ZBTB7C: variants seen among roughly 807,000 people sequenced by gnomAD.
ZBTB7C encodes the protein zinc finger and BTB domain-containing protein 7C.
Under a neutral mutation model 25.7 loss-of-function variants are expected in ZBTB7C, and 8 were observed. The observed-to-expected ratio is 0.31, with a 90% CI of 0.18 to 0.56. ZBTB7C has a LOEUF of 0.56. Ranked by LOEUF, ZBTB7C falls within the 20% of genes least tolerant of loss-of-function variation. The pLI, the probability that ZBTB7C is intolerant of heterozygous loss-of-function variation, is 0.91. For synonymous variants in ZBTB7C, 394 were observed against 369.0 expected, an observed-to-expected ratio of 1.07 and a Z score of -0.78; for missense variants, 824 against 855.2, an observed-to-expected ratio of 0.96 and a Z score of 0.46.
At chr18:48,306,372 G>A (rs1337002601) in intron 2 of ZBTB7C, among the ~76,000 whole-genome samples, 1 of 152,156 alleles carries the variant, frequency 6.6e-6, no homozygotes, top group Non-Finnish European at 1.5e-5. Flanking sequence ...TGTGTCTGTG[G>A]TAAATATACA....
chr18:48,311,061 T>C (rs2045806793), intron 2 of ZBTB7C, among the ~76,000 whole-genome samples: 1 of 152,208 alleles, frequency 6.6e-6, no homozygotes. Flanking sequence ...TCCTGGCCCC[T>C]GCCAGTCAGT....
chr18:48,304,965 A>G (rs2045636417), intron 2 of ZBTB7C, among the ~76,000 whole-genome samples: 1 of 151,966 alleles, frequency 6.6e-6, no homozygotes, highest in Non-Finnish European at 1.5e-5. Flanking sequence ...CTGACTCTGC[A>G]GGGAGGGCTG....
chr18:48,310,179 G>A (rs7236485), intron 2 of ZBTB7C, among the ~76,000 whole-genome samples: 5,587 of 151,244 alleles, frequency 0.037, 214 homozygotes, highest in African/African-American at 0.093. Flanking sequence ...GCAGTGAGCC[G>A]AGATCACGCC....
chr18:48,128,041 A>G (rs1598930910), intron 3 of ZBTB7C, among the ~76,000 whole-genome samples: 1 of 152,090 alleles, frequency 6.6e-6, no homozygotes, highest in African/African-American at 2.4e-5. Flanking sequence ...TTGTTCTCCA[A>G]CCTTCCCTGG....
At chr18:48,237,425 G>A (rs1000092841) in intron 2 of ZBTB7C, among the ~76,000 whole-genome samples, 1 of 151,982 alleles carries the variant, frequency 6.6e-6, no homozygotes, top group East Asian at 1.9e-4. Context: ...GCATCCAAAG[G>A]GAAGGAACAG....
At chr18:48,182,366 C>G (rs1384685147) in intron 3 of ZBTB7C, among the ~76,000 whole-genome samples, 1 of 152,140 alleles carries the variant, frequency 6.6e-6, no homozygotes, top group Non-Finnish European at 1.5e-5. Context: ...ATAAAATAAG[C>G]TCAATTTGGA....
At chr18:48,284,808 A>C (rs1173408825) in intron 2 of ZBTB7C, among the ~76,000 whole-genome samples, 1 of 133,522 alleles carries the variant, frequency 7.5e-6, no homozygotes, top group Non-Finnish European at 1.7e-5. Flanking sequence ...AAAAAAAAAA[A>C]AAACAGAGAG....
At chr18:48,247,170 T>C (rs570252047) in intron 2 of ZBTB7C, among the ~76,000 whole-genome samples, 5 of 152,298 alleles carry the variant, frequency 3.3e-5, no homozygotes, top group African/African-American at 1.2e-4. Context: ...TTAAAAAGAA[T>C]TCCGGTTAAC....
intron 2 of ZBTB7C, among the ~76,000 whole-genome samples, chr18:48,331,899 G>C (rs1016549999): frequency 6.6e-6 from 1 of 151,956 alleles, no homozygotes; most frequent in African/African-American, 2.4e-5. Context: ...GACACAAAAT[G>C]TTTGTGTATG....
At position 48,389,189 on chromosome 18, in the gene ZBTB7C, ACTCTCTCT is replaced by A. The variant is rs757520664; in HGVS notation, c.-304+20029_-304+20036del. On this transcript the variant is annotated intron_variant, in intron 1 of 4. Coordinates refer to ENST00000590800, the MANE Select transcript of ZBTB7C (RefSeq NM_001318841.2). ...ATGGAGTGATGTTCAGAGCCCTTTA[ACTCTCTCT>A]CTCTCTCTCTCTCTCTCTCTCTCTC... Among the ~76,000 whole-genome samples, 425 of 64,096 alleles carry A rather than the reference ACTCTCTCT, an allele frequency of 6.6e-3. 3 individuals are homozygous for A. Among genetic ancestry groups the A allele is most frequent in the East Asian group, 0.012 (30 of 2,430 alleles). The allele number at this position is 64,096 out of a possible 152,430, so 42.0% of individuals were successfully genotyped here. A position where few individuals can be genotyped will look rare whatever the true frequency, so the allele number is the denominator to read the frequency against.
chr18:48,243,270 CA>C (rs57410285), intron 2 of ZBTB7C, among the ~76,000 whole-genome samples: 35,517 of 87,918 alleles, frequency 0.4, 5,457 homozygotes, highest in Non-Finnish European at 0.48. Context: ...TACCCCCCCA[CA>C]AAAAAAAAAA....
At chr18:48,058,353 C>A (rs2036997093) in intron 3 of ZBTB7C, among the ~76,000 whole-genome samples, 1 of 152,214 alleles carries the variant, frequency 6.6e-6, no homozygotes, top group African/African-American at 2.4e-5. Flanking sequence ...TGGGACCCTG[C>A]CATCTCAGTC....
rs568153977 is a variant in ZBTB7C, at chr18:48,382,086, T to G, written c.-304+27140A>C. Among the ~76,000 whole-genome samples the G allele has an allele frequency of 7.1e-4, 108 of 152,348 alleles. 2 individuals are homozygous for G. In the South Asian group the frequency reaches 0.016, roughly 22 times the overall value. ...TGATTAATACATACGTGCACTGTAGTGCAAGTGGTAGGTAGGTGCAATGAA... is the reference window on the plus strand; with the variant it reads ...TGATTAATACATACGTGCACTGTAGGGCAAGTGGTAGGTAGGTGCAATGAA... On this transcript the variant is annotated intron_variant, in intron 1 of 4. Coordinates refer to ENST00000590800, the MANE Select transcript of ZBTB7C (RefSeq NM_001318841.2).
chr18:48,063,173 CCT>C (rs1163579665), intron 3 of ZBTB7C, among the ~76,000 whole-genome samples: 2 of 152,244 alleles, frequency 1.3e-5, no homozygotes, highest in African/African-American at 2.4e-5. Context: ...CCAGAAACCC[CCT>C]CTGTCTCAGG....
intron 3 of ZBTB7C, among the ~76,000 whole-genome samples, chr18:48,093,901 C>CA (rs34343946): frequency 6.6e-6 from 1 of 151,722 alleles, no homozygotes; most frequent in Admixed American, 6.6e-5. Context: ...TAAAAAAATA[C>CA]AAAAAAAATT....
At chr18:48,189,775 T>C (rs1320245478) in intron 2 of ZBTB7C, among the ~76,000 whole-genome samples, 2 of 152,174 alleles carry the variant, frequency 1.3e-5, no homozygotes, top group Non-Finnish European at 2.9e-5. Flanking sequence ...TTGCTCTCAT[T>C]AGATCATTAA....
intron 2 of ZBTB7C, among the ~76,000 whole-genome samples, chr18:48,311,685 G>A (rs770440467): frequency 6.6e-6 from 1 of 152,190 alleles, no homozygotes; most frequent in Non-Finnish European, 1.5e-5. Flanking sequence ...TGGCAAATCT[G>A]TGATCTTACC....
chr18:48,184,359 G>A (rs768994458), intron 3 of ZBTB7C, among the ~76,000 whole-genome samples: 12 of 152,156 alleles, frequency 7.9e-5, no homozygotes, highest in African/African-American at 1.2e-4. Context: ...TATGTGCAGC[G>A]GAAAGTCAGT....
Position 48,133,214 on chromosome 18 carries a change from G to A in ZBTB7C, c.-17+52720C>T, listed in dbSNP as rs116620898. Among the ~76,000 whole-genome samples, 1,086 of 152,266 alleles carry A rather than the reference G, an allele frequency of 7.1e-3. 17 individuals are homozygous for A. The highest frequency in any genetic ancestry group is 0.025 in the African/African-American group (1,044 of 41,552). The stretch of plus-strand genomic sequence containing the variant: ...TTGTGGGGCAGCTCTTATCCCATGG[G>A]GGGAACCTCCTTCTCACTAGCTGGC... On this transcript the variant is annotated intron_variant, in intron 3 of 4. Coordinates refer to ENST00000590800, the MANE Select transcript of ZBTB7C (RefSeq NM_001318841.2).
Sources: allele counts gnomAD v4.1 joint callset (sites outside exome capture counted in the v4.1 genomes callset), GRCh38; gene constraint gnomAD v4.1.1; transcripts MANE v1.5; gene names NCBI Gene and HGNC (gene_info 2026-07-23, HGNC 2026-07-21).